Variants in USP15 observed in about 807,000 individuals in gnomAD.
The protein encoded by USP15 is ubiquitin carboxyl-terminal hydrolase 15.
Under a neutral mutation model 127.1 loss-of-function variants are expected in USP15, and 18 were observed. The ratio of observed to expected loss-of-function variants is 0.14; its 90% CI spans 0.10 to 0.21. USP15 has a LOEUF of 0.21. USP15 is among the 10% of genes least tolerant of loss of function. The probability of loss-of-function intolerance (pLI) is 1.00; values close to 1 mark genes in which losing one functional copy is unlikely to be tolerated. For missense variants in USP15, 805 were observed against 1,159.9 expected (o/e 0.69, Z 4.44); for synonymous variants, 364 against 393.7 (o/e 0.92, Z 0.89).
At chr12:62,314,216 C>T (rs2064763091) in intron 3 of USP15, among the ~76,000 whole-genome samples, 1 of 151,796 alleles carries the variant, frequency 6.6e-6, no homozygotes, top group African/African-American at 2.4e-5. Flanking sequence ...AGTTACCTAG[C>T]CATAGCTGGA....
chr12:62,342,026 C>T (rs2065664138), intron 6 of USP15, among the ~76,000 whole-genome samples: 1 of 152,030 alleles, frequency 6.6e-6, no homozygotes, highest in Non-Finnish European at 1.5e-5. Context: ...TTCCATTCTC[C>T]CCGTCACTTT....
chr12:62,333,032 A>C (rs1195076509), intron 6 of USP15, among the ~76,000 whole-genome samples: 1 of 152,182 alleles, frequency 6.6e-6, no homozygotes, highest in Admixed American at 6.5e-5. Context: ...CGTCTTTAGA[A>C]ATTTTTAGAG....
chr12:62,387,087 A>T (rs2067174228), intron 11 of USP15, among the ~76,000 whole-genome samples: 1 of 152,158 alleles, frequency 6.6e-6, no homozygotes, highest in Non-Finnish European at 1.5e-5. Context: ...GCCTAACATG[A>T]CCCAAACCTG....
rs2068119800 is a variant in USP15 at position 62,414,922 on chromosome 12, G to T, written c.*10547G>T. The T allele has an allele frequency of 6.7e-6, 1 of 149,588 alleles. No homozygotes were observed. Among genetic ancestry groups the T allele is most frequent in the Non-Finnish European group, 1.5e-5 (1 of 67,554 alleles). The allele number at this position is 149,588 out of a possible 1,614,324, so 9.3% of individuals were successfully genotyped here. The stretch of plus-strand genomic sequence containing the variant: ...GAAACAAGACCAATAGGATGCATAT[G>T]TGTATACACATATATGTATAGCTCT... On this transcript the variant is annotated 3_prime_UTR_variant, in exon 22 of 22. Coordinates refer to ENST00000280377, the MANE Select transcript of USP15 (RefSeq NM_001252078.2).
intron 8 of USP15, among the ~76,000 whole-genome samples, chr12:62,358,288 G>C (rs1299920039): frequency 6.6e-6 from 1 of 152,174 alleles, no homozygotes; most frequent in Non-Finnish European, 1.5e-5. Context: ...ACCAATCTGA[G>C]TGTGATTTAA....
chr12:62,407,754 T>TGTTC lies in USP15; in HGVS notation c.*3382_*3383insCGTT, dbSNP rs1487634158. 1.3e-5 allele frequency: 2 copies of TGTTC among 152,022 alleles called. No homozygotes were observed. The allele number at this position is 152,022 out of a possible 1,614,324, so 9.4% of individuals were successfully genotyped here. A position where few individuals can be genotyped will look rare whatever the true frequency, so the allele number is the denominator to read the frequency against. The stretch of plus-strand genomic sequence containing the variant: ...TTTGCTTTCTGTTTGTTTGTTTGTT[T>TGTTC]GTTTAGAGACAAGGTCTCCCTCTGT... On this transcript the variant is annotated 3_prime_UTR_variant, in exon 22 of 22. Transcript: ENST00000280377.
intron 2 of USP15, among the ~76,000 whole-genome samples, chr12:62,300,730 TA>T (rs1200585696): frequency 6.6e-6 from 1 of 152,162 alleles, no homozygotes; most frequent in Admixed American, 6.5e-5. Flanking sequence ...TTTTGATGCA[TA>T]CATGGCACTG....
rs367822360 is a variant in USP15, at chr12:62,366,719, A to G, written c.915+11244A>G. Among the ~76,000 whole-genome samples the G allele has an allele frequency of 1.8e-4, 27 of 152,292 alleles. No homozygotes were observed. In the East Asian group the frequency reaches 4.8e-3, roughly 27 times the overall value. On this transcript the variant is annotated intron_variant, in intron 8 of 21. Coordinates refer to ENST00000280377, the MANE Select transcript of USP15 (RefSeq NM_001252078.2). ...AATAGCTCTTATTATTTTGAGATGC[A>G]TTCCATCAATACCTAGTTTATTGAG... is the stretch of plus-strand genomic sequence containing the variant.
intron 18 of USP15, 116 bp from the exon 19 acceptor site, chr12:62,392,937 A>C: frequency 8.9e-7 from 1 of 1,128,444 alleles, no homozygotes; most frequent in South Asian, 1.5e-5. Flanking sequence ...TATTAGGCAT[A>C]CTATAATTGC....
intron 5 of USP15, among the ~76,000 whole-genome samples, chr12:62,321,949 G>T (rs17126100): frequency 0.021 from 3,174 of 152,184 alleles, 105 homozygotes; most frequent in African/African-American, 0.073. Context: ...ACAGTTCTCT[G>T]CAGGCCATAA....
chr12:62,347,459 G>A (rs558166393), intron 6 of USP15, among the ~76,000 whole-genome samples: 1 of 151,504 alleles, frequency 6.6e-6, no homozygotes, highest in African/African-American at 2.4e-5. Flanking sequence ...ATAAGATTCA[G>A]GGGAACATTC....
intron 11 of USP15, 35 bp downstream of exon 11, chr12:62,384,337 T>C: frequency 6.9e-7 from 1 of 1,455,862 alleles, no homozygotes; most frequent in Non-Finnish European, 9.2e-7. Context: ...GTTTTTTTTT[T>C]TTTTTTTTTG....
chr12:62,390,793 T>G (rs2067301388), intron 14 of USP15, 71 bp from the exon 15 acceptor site: 1 of 1,132,654 alleles, frequency 8.8e-7, no homozygotes, highest in Non-Finnish European at 1.3e-6. Context: ...GTTTTACTGA[T>G]AGAAGGAAAA....
chr12:62,386,168 G>GTT (rs11431206), intron 11 of USP15, among the ~76,000 whole-genome samples: 45,758 of 145,118 alleles, frequency 0.32, 8,179 homozygotes, highest in East Asian at 0.4. Context: ...TGTGTTTTGT[G>GTT]TTTTTTTTTT....
At chr12:62,260,659 C>T (rs1171182192) in intron 1 of USP15, among the ~76,000 whole-genome samples, 156 bp downstream of exon 1, 2 of 152,080 alleles carry the variant, frequency 1.3e-5, no homozygotes, top group African/African-American at 4.8e-5. Context: ...AATGTTGGGG[C>T]AAAGGTTGGA....
intron 1 of USP15, among the ~76,000 whole-genome samples, chr12:62,266,913 G>A (rs2063205124): frequency 6.6e-6 from 1 of 151,926 alleles, no homozygotes; most frequent in Non-Finnish European, 1.5e-5. Flanking sequence ...TATCTTTGAT[G>A]ATTTCAGAGC....
chr12:62,264,811 G>A (rs146290849), intron 1 of USP15, among the ~76,000 whole-genome samples: 1 of 152,208 alleles, frequency 6.6e-6, no homozygotes, highest in East Asian at 1.9e-4. Context: ...AATATTTAGT[G>A]TATACTTAAA....
At chr12:62,276,847 A>C (rs910637526) in intron 1 of USP15, among the ~76,000 whole-genome samples, 1 of 152,128 alleles carries the variant, frequency 6.6e-6, no homozygotes, top group East Asian at 1.9e-4. Context: ...AAAGTTATGA[A>C]TTTTTTCAGA....
chr12:62,384,445 A>C (rs2067084165), intron 11 of USP15, 143 bp downstream of exon 11: 1 of 707,154 alleles, frequency 1.4e-6, no homozygotes, highest in South Asian at 2.2e-5. Context: ...TTTGTATAAG[A>C]GATTTTATAA....
Sources: gnomAD v4.1 joint callset for allele counts (sites outside exome capture counted in the v4.1 genomes callset) on GRCh38, gnomAD v4.1.1 for gene constraint, MANE v1.5 for transcripts, NCBI Gene and HGNC (gene_info 2026-07-23, HGNC 2026-07-21) for gene names.